Variants in MGST1 observed in about 807,000 individuals in gnomAD.
The protein encoded by MGST1 is microsomal glutathione S-transferase 1.
MGST1 carries 5 observed loss-of-function variants against 8.9 expected under a neutral mutation model. The ratio of observed to expected loss-of-function variants is 0.56; its 90% CI spans 0.29 to 1.19. The LOEUF is 1.19. Among genes scored for constraint, MGST1 ranks in the 50% most tolerant of loss-of-function variants. The probability of loss-of-function intolerance (pLI) is 0.08; values close to 1 mark genes in which losing one functional copy is unlikely to be tolerated. For synonymous variants in MGST1, 54 were observed against 67.8 expected (o/e 0.80, Z 1.00); for missense variants, 182 against 187.4 (o/e 0.97, Z 0.17).
intron 4 of MGST1, among the ~76,000 whole-genome samples, chr12:16,501,822 G>A (rs1342303965): frequency 6.6e-6 from 1 of 151,936 alleles, no homozygotes; most frequent in Non-Finnish European, 1.5e-5. Flanking sequence ...ATTACTGGTT[G>A]CCCAAATACT....
downstream of MGST1, among the ~76,000 whole-genome samples, chr12:16,378,633 C>G (rs1260961391): frequency 1.3e-5 from 2 of 149,966 alleles, no homozygotes; most frequent in Non-Finnish European, 3.0e-5. Flanking sequence ...GATGCGGGCT[C>G]TTTTTTGGTT....
At chr12:16,508,821 G>T (rs969684965) in intron 4 of MGST1, among the ~76,000 whole-genome samples, 1 of 152,152 alleles carries the variant, frequency 6.6e-6, no homozygotes, top group Non-Finnish European at 1.5e-5. Flanking sequence ...ATAAGCAGTT[G>T]CTTGCCTGTG....
At chr12:16,553,959 T>C (rs1173269098) in intron 4 of MGST1, among the ~76,000 whole-genome samples, 1 of 152,148 alleles carries the variant, frequency 6.6e-6, no homozygotes, top group Non-Finnish European at 1.5e-5. Flanking sequence ...AAACATAATC[T>C]TTCTTGTAAT....
At chr12:16,448,415 A>G (rs1010351445) in intron 4 of MGST1, among the ~76,000 whole-genome samples, 2 of 151,830 alleles carry the variant, frequency 1.3e-5, no homozygotes, top group African/African-American at 2.4e-5. Context: ...TAATTCAGTC[A>G]TCAGCTAAGC....
chr12:16,568,044 T>A lies in MGST1; in HGVS notation n.483-21484T>A, dbSNP rs1262549698. 2.6e-5 allele frequency among the ~76,000 whole-genome samples: 4 copies of A among 152,272 alleles called. No homozygotes were observed. The South Asian group carries it at 6.2e-4, about 24-fold the overall frequency. On this transcript the variant is annotated intron_variant and non_coding_transcript_variant, in intron 4 of 4. Transcript: ENST00000538857. ...GTTTGATTTTTTGGAATTCTTGAGA[T>A]CTAGACTTAGTACTACACTGGCAAC...
At chr12:16,533,468 T>C (rs1941735026) in intron 4 of MGST1, among the ~76,000 whole-genome samples, 1 of 152,268 alleles carries the variant, frequency 6.6e-6, no homozygotes, top group Non-Finnish European at 1.5e-5. Context: ...ATACTGTAAA[T>C]TGAGCCTTGC....
chr12:16,403,882 C>G (rs1193256813), intron 1 of MGST1, among the ~76,000 whole-genome samples: 2 of 152,032 alleles, frequency 1.3e-5, no homozygotes, highest in Admixed American at 1.3e-4. Flanking sequence ...AAAACCACCC[C>G]CATGATTCAA....
intron 4 of MGST1, among the ~76,000 whole-genome samples, chr12:16,561,167 C>T (rs1357420355): frequency 6.6e-6 from 1 of 151,984 alleles, no homozygotes; most frequent in Non-Finnish European, 1.5e-5. Flanking sequence ...ACTGTCAGAA[C>T]CACTGGAATT....
At chr12:16,397,690 CATCACTAATG>C (rs58297164) in intron 1 of MGST1, among the ~76,000 whole-genome samples, 143 of 151,240 alleles carry the variant, frequency 9.5e-4, no homozygotes, top group African/African-American at 3.3e-3. Context: ...AAATGCTCAA[CATCACTAATG>C]ATCAGTAATG....
chr12:16,556,356 C>T (rs1192816048), intron 4 of MGST1, among the ~76,000 whole-genome samples: 1 of 152,044 alleles, frequency 6.6e-6, no homozygotes, highest in Non-Finnish European at 1.5e-5. Flanking sequence ...GAGAAACTAG[C>T]CGAATTTTAA....
chr12:16,438,211 C>G (rs1005770734), exon 2 of MGST1: 1 of 151,890 alleles, frequency 6.6e-6, no homozygotes, highest in Non-Finnish European at 1.5e-5. Context: ...TGGACATGTG[C>G]AACCCACATC....
chr12:16,569,488 C>T (rs1282091348), intron 4 of MGST1, among the ~76,000 whole-genome samples: 1 of 152,160 alleles, frequency 6.6e-6, no homozygotes, highest in African/African-American at 2.4e-5. Context: ...TCAATTTCTT[C>T]TCATACCCAT....
At chr12:16,425,564 G>A (rs1940878257) in intron 1 of MGST1, among the ~76,000 whole-genome samples, 1 of 152,124 alleles carries the variant, frequency 6.6e-6, no homozygotes, top group Non-Finnish European at 1.5e-5. Context: ...GATTACAAGT[G>A]TGGGCCACCG....
At chr12:16,418,657 C>T (rs1940806226) in intron 1 of MGST1, among the ~76,000 whole-genome samples, 1 of 152,064 alleles carries the variant, frequency 6.6e-6, no homozygotes, top group Admixed American at 6.6e-5. Context: ...AGCAGATAGC[C>T]TGTGTTTAAA....
intron 4 of MGST1, among the ~76,000 whole-genome samples, chr12:16,530,305 G>C (rs1477037723): frequency 1.3e-5 from 2 of 151,808 alleles, no homozygotes; most frequent in Non-Finnish European, 2.9e-5. Context: ...AGTATTTAAG[G>C]GTCTTTGTTT....
intron 4 of MGST1, among the ~76,000 whole-genome samples, chr12:16,448,843 G>T (rs1941104843): frequency 6.6e-6 from 1 of 151,922 alleles, no homozygotes; most frequent in Admixed American, 6.6e-5. Context: ...GAGGCTGGGA[G>T]ATTCCACATG....
At chr12:16,588,031 G>A (rs1404927435) in intron 4 of MGST1, among the ~76,000 whole-genome samples, 3 of 151,904 alleles carry the variant, frequency 2.0e-5, no homozygotes, top group Non-Finnish European at 4.4e-5. Flanking sequence ...CCAAGCTTTG[G>A]TATTTTCCCC....
At chr12:16,467,955 G>T (rs778768991) in intron 4 of MGST1, among the ~76,000 whole-genome samples, 1 of 152,150 alleles carries the variant, frequency 6.6e-6, no homozygotes, top group Non-Finnish European at 1.5e-5. Context: ...TTTTAAAAGA[G>T]GCCTCAGGTG....
Position 16,373,423 on chromosome 12 carries a change from C to A in MGST1, c.222-2699C>A, listed in dbSNP as rs1032881351. On this transcript the variant is annotated intron_variant, in intron 3 of 3. Transcript: ENST00000535309. ...GAATGCAATTGGAGTGTTCCTAACA[C>A]AAAGAAATGATAAATACTTGAGGTG... Among the ~76,000 whole-genome samples the A allele has an allele frequency of 1.7e-4, 25 of 151,326 alleles. No homozygotes were observed. In the East Asian group the frequency reaches 1.7e-3, roughly 11 times the overall value.
Sources: gnomAD v4.1 joint callset for allele counts (sites outside exome capture counted in the v4.1 genomes callset) on GRCh38, gnomAD v4.1.1 for gene constraint, MANE v1.5 for transcripts, NCBI Gene and HGNC (gene_info 2026-07-23, HGNC 2026-07-21) for gene names.